Variants in UBR2 observed in about 807,000 individuals in gnomAD.
UBR2 encodes the protein ubiquitin protein ligase E3 component n-recognin 2, also known as E3 ubiquitin-protein ligase UBR2.
Under a neutral mutation model 247.9 loss-of-function variants are expected in UBR2, and 92 were observed. That is an observed-to-expected ratio of 0.37 (90% CI 0.31 to 0.44). The LOEUF is 0.44. Ranked by LOEUF, UBR2 falls within the 20% of genes least tolerant of loss-of-function variation. UBR2 has a pLI of 1.00. For missense variants in UBR2, 1,613 were observed against 2,112.6 expected (o/e 0.76, Z 4.64); for synonymous variants, 672 against 693.5 (o/e 0.97, Z 0.49).
At chr6:42,619,410 A>AAC (rs1479632154) in intron 11 of UBR2, 6 of 48,660 alleles carry the variant, frequency 1.2e-4, no homozygotes, top group African/African-American at 4.3e-4. Context: ...TCTCGTTATG[A>AAC]ACATATATAT....
Position 42,636,963 on chromosome 6 carries a change from T to C in UBR2, c.1675-48T>C, listed in dbSNP as rs778627887. ...AATTTAAGGTGCTTATTCAATGTTG[T>C]AAAAACTCAACCTTTTGAGTAACTT... On this transcript the variant is annotated intron_variant, in intron 14 of 46. Coordinates refer to ENST00000372901, the MANE Select transcript of UBR2 (RefSeq NM_001363705.2). 8.2e-6 allele frequency: 13 copies of C among 1,579,082 alleles called. No individual in the cohort carries two copies. In the Admixed American group the frequency reaches 1.8e-4, roughly 22 times the overall value.
At chr6:42,614,999 A>AATC in intron 8 of UBR2, 72 bp from the exon 9 acceptor site, 1 of 1,300,094 alleles carries the variant, frequency 7.7e-7, no homozygotes. Flanking sequence ...GATCCATTTG[A>AATC]ACATCTACTA....
intron 11 of UBR2, among the ~76,000 whole-genome samples, chr6:42,622,497 G>A (rs1795053924): frequency 2.0e-5 from 3 of 151,120 alleles, no homozygotes; most frequent in African/African-American, 4.9e-5. Context: ...CGCCTCCTAG[G>A]TTAAAGTGAT....
chr6:42,605,485 T>G (rs973286571), intron 5 of UBR2, among the ~76,000 whole-genome samples: 1 of 152,196 alleles, frequency 6.6e-6, no homozygotes, highest in African/African-American at 2.4e-5. Context: ...AGGCCTGTTA[T>G]ACCCTGCTCT....
intron 1 of UBR2, among the ~76,000 whole-genome samples, chr6:42,569,154 C>T (rs1193186550): frequency 6.6e-6 from 1 of 152,164 alleles, no homozygotes; most frequent in African/African-American, 2.4e-5. Context: ...TTTGTGGGGA[C>T]ATATGCTTTT....
At chr6:42,603,913 T>C (rs1793538215) in intron 5 of UBR2, among the ~76,000 whole-genome samples, 195 bp downstream of exon 5, 1 of 152,206 alleles carries the variant, frequency 6.6e-6, no homozygotes, top group South Asian at 2.1e-4. Context: ...GGTTGATTAG[T>C]TGGTTTGTAG....
intron 2 of UBR2, among the ~76,000 whole-genome samples, chr6:42,577,763 T>G (rs998384906): frequency 6.6e-6 from 1 of 152,142 alleles, no homozygotes; most frequent in African/African-American, 2.4e-5. Context: ...TTTTTAACAT[T>G]TAAAAACGTA....
chr6:42,642,192 T>C (rs1242139168), intron 17 of UBR2, among the ~76,000 whole-genome samples: 1 of 152,146 alleles, frequency 6.6e-6, no homozygotes, highest in Non-Finnish European at 1.5e-5. Context: ...TTTTACTTTA[T>C]TCAGAAACCC....
At chr6:42,585,245 G>A (rs191102097) in intron 2 of UBR2, among the ~76,000 whole-genome samples, 2 of 152,186 alleles carry the variant, frequency 1.3e-5, no homozygotes, top group East Asian at 3.9e-4. Context: ...TTGGTTGATT[G>A]CATTGTTTGA....
At chr6:42,581,229 G>A (rs558614071) in intron 2 of UBR2, among the ~76,000 whole-genome samples, 158 of 148,934 alleles carry the variant, frequency 1.1e-3, no homozygotes, top group African/African-American at 3.5e-3. Flanking sequence ...TCGCTCTGTC[G>A]CCCAGGCTGA....
chr6:42,670,499 T>G (rs926793), intron 35 of UBR2, among the ~76,000 whole-genome samples, 161 bp from the exon 36 acceptor site: 64,667 of 152,110 alleles, frequency 0.43, 13,849 homozygotes, highest in African/African-American at 0.49. Context: ...TCGTTTTTAC[T>G]TTGTAACCAA....
intron 2 of UBR2, among the ~76,000 whole-genome samples, chr6:42,581,191 CTT>C (rs58940824): frequency 4.2e-5 from 6 of 142,936 alleles, no homozygotes; most frequent in African/African-American, 1.6e-4. Context: ...TTTCTTTTTC[CTT>C]TTTTTTTTTT....
intron 31 of UBR2, among the ~76,000 whole-genome samples, chr6:42,662,573 A>G (rs1391602094): frequency 6.6e-6 from 1 of 152,216 alleles, no homozygotes; most frequent in Non-Finnish European, 1.5e-5. Flanking sequence ...GATAAACTCT[A>G]GAAGGGTAAT....
At chr6:42,564,537 A>G in intron 1 of UBR2, 140 bp downstream of exon 1, 1 of 945,114 alleles carries the variant, frequency 1.1e-6, no homozygotes, top group East Asian at 2.8e-5. Flanking sequence ...GTGGGGTAAT[A>G]GCCCGGGGAG....
At position 42,617,422 on chromosome 6, in the gene UBR2, T is replaced by G; in HGVS notation, c.1196T>G (p.Leu399Trp). 6.3e-7 allele frequency: 1 copy of G among 1,594,532 alleles called. No homozygotes were observed. Among genetic ancestry groups the G allele is most frequent in the Non-Finnish European group, 8.5e-7 (1 of 1,169,888 alleles). ...CCTTCTTAATAGAACTATGAGCGTT[T>G]GCAGAGTGATTATGTGACAGATGAC... Reference protein sequence around the residue: ...AVRFAKNYERLQSDYVTDDHD... With the variant: ...AVRFAKNYERWQSDYVTDDHD... Residue 399 changes from leucine (L) to tryptophan (W), a missense_variant, in exon 11 of 47, where the codon TTG (leucine) becomes TGG (tryptophan). Coordinates refer to ENST00000372901, the MANE Select transcript of UBR2 (RefSeq NM_001363705.2).
intron 2 of UBR2, among the ~76,000 whole-genome samples, chr6:42,581,388 G>T (rs1422476701): frequency 6.6e-6 from 1 of 151,820 alleles, no homozygotes; most frequent in Non-Finnish European, 1.5e-5. Flanking sequence ...ACCGGGTTTC[G>T]CCATGTTGGC....
rs1467606886 is a variant in UBR2 at position 42,573,881 on chromosome 6, T to C, written c.226T>C (p.Tyr76His). Residue 76 changes from tyrosine to histidine, a missense_variant, in exon 2 of 47, where the codon TAC (tyrosine) becomes CAC (histidine). Physicochemically the swap from Tyr to His is moderately conservative, Grantham distance 83 (BLOSUM62 2). Transcript: ENST00000372901. ...TGTTTTGTTGGGACCAATGGAATGG[T>C]ACCTTTGTGGTGAAGATCCTGCATT... ...QHVLLGPMEW[Y>H]LCGEDPAFGF... 2.5e-6 allele frequency: 4 copies of C among 1,614,122 alleles called. No individual in the cohort carries two copies. Among genetic ancestry groups the C allele is most frequent in the Non-Finnish European group, 3.4e-6 (4 of 1,180,014 alleles).
intron 28 of UBR2, 65 bp from the exon 29 acceptor site, chr6:42,658,581 T>G: frequency 6.8e-7 from 1 of 1,470,494 alleles, no homozygotes; most frequent in African/African-American, 1.4e-5. Context: ...TGAAGATATT[T>G]CTGCTTTGGA....
intron 1 of UBR2, among the ~76,000 whole-genome samples, chr6:42,568,696 C>T (rs1041915412): frequency 6.6e-6 from 1 of 152,006 alleles, no homozygotes; most frequent in East Asian, 1.9e-4. Context: ...CGCCACTGCA[C>T]TCCAGCCTGG....
Sources: allele counts gnomAD v4.1 joint callset (sites outside exome capture counted in the v4.1 genomes callset), GRCh38; gene constraint gnomAD v4.1.1; transcripts MANE v1.5; gene names NCBI Gene and HGNC (gene_info 2026-07-23, HGNC 2026-07-21).